The following CTIF variants were observed in gnomAD, a reference collection of about 807,000 sequenced individuals.
CTIF encodes the protein CBP80/20-dependent translation initiation factor.
In CTIF, 21 loss-of-function variants were observed where a neutral mutation model predicts 66.0. That is an observed-to-expected ratio of 0.32 (90% confidence interval 0.23 to 0.46). The LOEUF is 0.46. Among genes scored for constraint, CTIF ranks in the 20% least tolerant of loss-of-function variants. The pLI, the probability that CTIF is intolerant of heterozygous loss-of-function variation, is 1.00. For synonymous variants in CTIF, 345 were observed against 326.4 expected, an observed-to-expected ratio of 1.06 and a Z score of -0.62; for missense variants, 739 against 812.7, an observed-to-expected ratio of 0.91 and a Z score of 1.10.
intron 10 of CTIF, among the ~76,000 whole-genome samples, chr18:48,823,283 A>G (rs1432595280): frequency 6.6e-6 from 1 of 150,886 alleles, no homozygotes; most frequent in East Asian, 1.9e-4. Context: ...TTCTTCTAGT[A>G]GTTTTACAGT....
intron 7 of CTIF, among the ~76,000 whole-genome samples, chr18:48,732,512 A>G (rs1197898120): frequency 6.6e-6 from 1 of 152,140 alleles, no homozygotes; most frequent in Non-Finnish European, 1.5e-5. Context: ...TGCCTCCAGC[A>G]TCCCCCCTGG....
At chr18:48,812,414 G>A (rs926732270) in intron 9 of CTIF, among the ~76,000 whole-genome samples, 3 of 152,106 alleles carry the variant, frequency 2.0e-5, no homozygotes, top group Non-Finnish European at 4.4e-5. Context: ...TCATGAAGAC[G>A]TTGCCTTCAT....
At chr18:48,780,314 G>T (rs1327289831) in intron 9 of CTIF, among the ~76,000 whole-genome samples, 1 of 152,214 alleles carries the variant, frequency 6.6e-6, no homozygotes, top group African/African-American at 2.4e-5. Context: ...TCAGCACACA[G>T]CCCAGAGTGC....
intron 6 of CTIF, among the ~76,000 whole-genome samples, chr18:48,698,464 C>T (rs1199448792): frequency 6.6e-6 from 1 of 152,178 alleles, no homozygotes; most frequent in Admixed American, 6.5e-5. Context: ...TCTCCTACCT[C>T]GGCCTCCCAA....
chr18:48,760,266 C>T (rs111482690), intron 8 of CTIF: 2 of 150,858 alleles, frequency 1.3e-5, no homozygotes, highest in Admixed American at 1.3e-4. Context: ...CGGCTCACTG[C>T]AAGCTCCGCC....
chr18:48,649,940 A>G (rs1212728994), intron 3 of CTIF, among the ~76,000 whole-genome samples: 1 of 152,264 alleles, frequency 6.6e-6, no homozygotes, highest in East Asian at 1.9e-4. Context: ...AACATCAACA[A>G]AAAGGACATC....
chr18:48,713,025 G>A (rs1199343112), intron 7 of CTIF, among the ~76,000 whole-genome samples: 1 of 152,218 alleles, frequency 6.6e-6, no homozygotes, highest in Non-Finnish European at 1.5e-5. Flanking sequence ...AGGAAGAGGT[G>A]GACCCAGGCC....
intron 3 of CTIF, among the ~76,000 whole-genome samples, chr18:48,663,201 A>G (rs1189380073): frequency 6.6e-6 from 1 of 152,182 alleles, no homozygotes; most frequent in Non-Finnish European, 1.5e-5. Flanking sequence ...GAGCAGAGAA[A>G]CCAAATCATA....
chr18:48,857,558 AG>A lies in CTIF; in HGVS notation c.1528-29del. 2.5e-6 allele frequency: 4 copies of A among 1,593,848 alleles called. No homozygotes were observed. In the Admixed American group the frequency reaches 7.0e-5, roughly 28 times the overall value. ...GCCCAGTAGCCGGCATGTCTCCTTC[AG>A]TGGTGCTCTCTGCCCCTCTCTTCCA... On this transcript the variant is annotated intron_variant, in intron 10 of 11. Coordinates refer to ENST00000256413, the MANE Select transcript of CTIF (RefSeq NM_014772.3).
rs11875782 is a variant in CTIF at position 48,785,571 on chromosome 18, A to G, written c.1371+23882A>G. ...GCTGGACCCAGCCACAAGACCATCA[A>G]GGAAAGCAAAAGGCTTTCAAAAGTG... On this transcript the variant is annotated intron_variant, in intron 9 of 11. Coordinates refer to ENST00000256413, the MANE Select transcript of CTIF (RefSeq NM_014772.3). 7.9e-5 allele frequency among the ~76,000 whole-genome samples: 12 copies of G among 152,204 alleles called. 1 individual carries two copies. Among genetic ancestry groups the G allele is most frequent in the Non-Finnish European group, 1.3e-4 (9 of 68,030 alleles).
intron 7 of CTIF, among the ~76,000 whole-genome samples, chr18:48,724,501 T>C (rs1181644686): frequency 6.6e-6 from 1 of 152,168 alleles, no homozygotes; most frequent in African/African-American, 2.4e-5. Flanking sequence ...CCCTCTCCCT[T>C]GCCTCTTGTT....
At chr18:48,548,827 G>A (rs925887581) in intron 1 of CTIF, among the ~76,000 whole-genome samples, 1 of 152,256 alleles carries the variant, frequency 6.6e-6, no homozygotes, top group Admixed American at 6.5e-5. Context: ...CTCTAGGAGT[G>A]AGGTGAGATG....
At chr18:48,697,891 T>G (rs1473356995) in intron 6 of CTIF, among the ~76,000 whole-genome samples, 1 of 151,634 alleles carries the variant, frequency 6.6e-6, no homozygotes, top group Non-Finnish European at 1.5e-5. Flanking sequence ...ATAGTGATCC[T>G]GCCGTTGCAT....
At chr18:48,579,894 A>G (rs1399306075) in intron 1 of CTIF, among the ~76,000 whole-genome samples, 1 of 152,336 alleles carries the variant, frequency 6.6e-6, no homozygotes, top group East Asian at 1.9e-4. Flanking sequence ...TTTCCTAGTC[A>G]TGACCCTCTT....
At chr18:48,726,245 C>T (rs1207570515) in intron 7 of CTIF, among the ~76,000 whole-genome samples, 1 of 152,172 alleles carries the variant, frequency 6.6e-6, no homozygotes, top group African/African-American at 2.4e-5. Flanking sequence ...TGCTAATCAT[C>T]ATTTCCAATG....
intron 10 of CTIF, among the ~76,000 whole-genome samples, chr18:48,856,791 G>A (rs1333203152): frequency 2.6e-5 from 4 of 152,238 alleles, no homozygotes; most frequent in African/African-American, 9.6e-5. Context: ...GTATGGGTTT[G>A]TATGGGGAGT....
At chr18:48,818,666 AG>A (rs2146338770) in intron 10 of CTIF, among the ~76,000 whole-genome samples, 1 of 152,084 alleles carries the variant, frequency 6.6e-6, no homozygotes, top group East Asian at 1.9e-4. Flanking sequence ...AGGGAGAGGA[AG>A]GGGGCGTGTA....
At chr18:48,725,734 T>G (rs964146093) in intron 7 of CTIF, among the ~76,000 whole-genome samples, 1 of 152,136 alleles carries the variant, frequency 6.6e-6, no homozygotes, top group African/African-American at 2.4e-5. Context: ...GAGAATGATT[T>G]AGTTTCTGGC....
chr18:48,830,638 G>GA (rs747187672), intron 10 of CTIF, among the ~76,000 whole-genome samples: 10 of 152,174 alleles, frequency 6.6e-5, no homozygotes, highest in Non-Finnish European at 1.2e-4. Flanking sequence ...GAAGAACACA[G>GA]TAGAATAAGG....
Sources: allele counts gnomAD v4.1 joint callset (sites outside exome capture counted in the v4.1 genomes callset), GRCh38; gene constraint gnomAD v4.1.1; transcripts MANE v1.5; gene names NCBI Gene and HGNC (gene_info 2026-07-23, HGNC 2026-07-21).